The following PRKAG2 variants were observed in gnomAD, a reference collection of about 807,000 sequenced individuals.
PRKAG2 encodes the protein protein kinase AMP-activated non-catalytic subunit gamma 2.
In PRKAG2, 26 loss-of-function variants were observed where a neutral mutation model predicts 69.6. The observed-to-expected ratio is 0.37, with a 90% CI of 0.27 to 0.52. The LOEUF (loss-of-function observed/expected upper bound fraction) is 0.52, where lower values mean the gene tolerates loss of function less well. Ranked by LOEUF, PRKAG2 falls within the 20% of genes least tolerant of loss-of-function variation. The pLI is 0.90. For missense variants in PRKAG2, 557 were observed against 740.0 expected, an observed-to-expected ratio of 0.75 and a Z score of 2.87; for synonymous variants, 293 against 285.0, an observed-to-expected ratio of 1.03 and a Z score of -0.28.
At chr7:151,637,520 A>G (rs961881213) in intron 4 of PRKAG2, among the ~76,000 whole-genome samples, 1 of 152,234 alleles carries the variant, frequency 6.6e-6, no homozygotes, top group African/African-American at 2.4e-5. Context: ...AATTCTAACA[A>G]TTAATGTTTT....
chr7:151,864,842 C>A (rs1311361588), intron 1 of PRKAG2, among the ~76,000 whole-genome samples: 2 of 152,144 alleles, frequency 1.3e-5, no homozygotes, highest in African/African-American at 2.4e-5. Flanking sequence ...GTCCCCAGGA[C>A]AAAGCAGTTT....
chr7:151,872,483 G>A (rs752912326), intron 1 of PRKAG2, among the ~76,000 whole-genome samples: 16 of 152,248 alleles, frequency 1.1e-4, no homozygotes, highest in East Asian at 1.9e-4. Context: ...CCCAGGGAGT[G>A]CAGACAAGGG....
At chr7:151,562,469 T>TAAA (rs1805281305) in intron 14 of PRKAG2, among the ~76,000 whole-genome samples, 1 of 150,408 alleles carries the variant, frequency 6.6e-6, no homozygotes, top group Admixed American at 6.6e-5. Context: ...TTTAGGTTAA[T>TAAA]AATAATAATA....
chr7:151,816,180 G>C (rs902619283), intron 1 of PRKAG2, among the ~76,000 whole-genome samples: 10 of 152,150 alleles, frequency 6.6e-5, no homozygotes, highest in African/African-American at 2.4e-4. Flanking sequence ...GTCACTTTCA[G>C]CCCAGGAGGG....
At chr7:151,619,564 C>T (rs528264629) in intron 5 of PRKAG2, among the ~76,000 whole-genome samples, 1 of 152,150 alleles carries the variant, frequency 6.6e-6, no homozygotes, top group African/African-American at 2.4e-5. Context: ...TCAATCTGTA[C>T]AAACTTTGTT....
rs527702515 is a variant in PRKAG2, at chr7:151,576,897, A to G, written c.865-445T>C. ...AAGCTAAAAATAATGGAATTTATTAACATTAGCAAAAATCTTTTTGAATTA... is the reference window on the plus strand; with the variant it reads ...AAGCTAAAAATAATGGAATTTATTAGCATTAGCAAAAATCTTTTTGAATTA... On this transcript the variant is annotated intron_variant, in intron 6 of 15. Coordinates refer to ENST00000287878, the MANE Select transcript of PRKAG2 (RefSeq NM_016203.4). 3.9e-5 allele frequency among the ~76,000 whole-genome samples: 6 copies of G among 152,340 alleles called. No individual in the cohort carries two copies. The South Asian group carries it at 1.2e-3, about 32-fold the overall frequency.
At chr7:151,602,264 C>A (rs924973601) in intron 5 of PRKAG2, among the ~76,000 whole-genome samples, 2 of 152,128 alleles carry the variant, frequency 1.3e-5, no homozygotes, top group Non-Finnish European at 2.9e-5. Context: ...AATTCAAAAG[C>A]AAGAAATCAA....
At chr7:151,808,888 A>G in intron 1 of PRKAG2, among the ~76,000 whole-genome samples, 1 of 152,080 alleles carries the variant, frequency 6.6e-6, no homozygotes, top group East Asian at 1.9e-4. Flanking sequence ...AGCCTTGGCT[A>G]TCCTAACGCC....
At chr7:151,766,943 C>T (rs1216788048) in intron 3 of PRKAG2, among the ~76,000 whole-genome samples, 4 of 152,214 alleles carry the variant, frequency 2.6e-5, no homozygotes, top group Admixed American at 2.6e-4. Context: ...GAAATCCTAA[C>T]TCACAGCACC....
At chr7:151,669,929 T>TAC (rs1831677065) in intron 4 of PRKAG2, among the ~76,000 whole-genome samples, 1 of 137,684 alleles carries the variant, frequency 7.3e-6, no homozygotes, top group Non-Finnish European at 1.5e-5. Context: ...CACACACACC[T>TAC]GTGCACACAC....
chr7:151,776,228 C>A (rs117007412), intron 3 of PRKAG2, among the ~76,000 whole-genome samples: 1 of 152,342 alleles, frequency 6.6e-6, no homozygotes, highest in East Asian at 1.9e-4. Flanking sequence ...CAGGGGGCTT[C>A]TCTGAAGAAG....
intron 3 of PRKAG2, among the ~76,000 whole-genome samples, chr7:151,731,538 G>GCA (rs1563545778): frequency 2.6e-5 from 4 of 152,260 alleles, no homozygotes; most frequent in Non-Finnish European, 5.9e-5. Flanking sequence ...GTGTGTGTGC[G>GCA]CACAGGTACA....
At chr7:151,839,494 G>T (rs1272505773) in intron 1 of PRKAG2, among the ~76,000 whole-genome samples, 1 of 152,220 alleles carries the variant, frequency 6.6e-6, no homozygotes, top group African/African-American at 2.4e-5. Flanking sequence ...CTCAGTGCCT[G>T]TTCGGAATGA....
At chr7:151,736,234 T>C in intron 3 of PRKAG2, 1 of 1,373,956 alleles carries the variant, frequency 7.3e-7, no homozygotes, top group Non-Finnish European at 9.4e-7. Context: ...AGTGGAGCCG[T>C]CCTGACGGGG....
chr7:151,625,417 A>G (rs73478069), intron 5 of PRKAG2, among the ~76,000 whole-genome samples: 1 of 152,046 alleles, frequency 6.6e-6, no homozygotes, highest in Non-Finnish European at 1.5e-5. Flanking sequence ...AGGGAGGAGA[A>G]GGGGGCAAGG....
intron 3 of PRKAG2, among the ~76,000 whole-genome samples, chr7:151,687,966 G>A (rs1001563012): frequency 2.0e-5 from 3 of 148,716 alleles, no homozygotes; most frequent in Non-Finnish European, 3.0e-5. Context: ...AGGGTGGAGC[G>A]GGTAGTGGAA....
intron 3 of PRKAG2, among the ~76,000 whole-genome samples, chr7:151,751,671 ATTTT>A (rs958630504): frequency 1.4e-5 from 2 of 138,468 alleles, no homozygotes; most frequent in African/African-American, 2.7e-5. Context: ...ATGCCCAGCT[ATTTT>A]TGTTTGTTTG....
chr7:151,569,396 A>C (rs151193875), intron 10 of PRKAG2, among the ~76,000 whole-genome samples: 25 of 152,352 alleles, frequency 1.6e-4, no homozygotes, highest in African/African-American at 5.3e-4. Flanking sequence ...GATGAAACCT[A>C]AATCCTTAGA....
intron 3 of PRKAG2, among the ~76,000 whole-genome samples, chr7:151,721,519 A>T (rs1797111147): frequency 6.6e-6 from 1 of 151,874 alleles, no homozygotes; most frequent in Non-Finnish European, 1.5e-5. Flanking sequence ...GTGACCAGCC[A>T]CCTCCCACAG....
Sources: gnomAD v4.1 joint callset for allele counts (sites outside exome capture counted in the v4.1 genomes callset) on GRCh38, gnomAD v4.1.1 for gene constraint, MANE v1.5 for transcripts, NCBI Gene and HGNC (gene_info 2026-07-23, HGNC 2026-07-21) for gene names.